The following RGS5 variants were observed in gnomAD, a reference collection of about 807,000 sequenced individuals.
RGS5 encodes regulator of G protein signaling 5.
A neutral mutation model predicts 18.9 loss-of-function variants in RGS5; 20 were observed. The observed-to-expected ratio is 1.06, with a 90% CI of 0.74 to 1.54. RGS5 has a LOEUF of 1.54. Among genes scored for constraint, RGS5 ranks in the 40% most tolerant of loss-of-function variants. The pLI is 0.00. For synonymous variants in RGS5, 57 were observed against 76.2 expected (o/e 0.75, Z 1.31); for missense variants, 201 against 211.8 (o/e 0.95, Z 0.32).
At chr1:163,279,131 CA>C (rs1434850294) in intron 2 of RGS5, among the ~76,000 whole-genome samples, 7 of 152,042 alleles carry the variant, frequency 4.6e-5, no homozygotes, top group Non-Finnish European at 1.5e-5. Context: ...AGAAGATCAA[CA>C]AAGAAACATT....
intron 2 of RGS5, among the ~76,000 whole-genome samples, chr1:163,287,932 G>A (rs925674447): frequency 6.6e-6 from 1 of 152,166 alleles, no homozygotes; most frequent in Non-Finnish European, 1.5e-5. Context: ...AATTTGCACT[G>A]CATTCCCTGA....
chr1:163,211,708 T>G (rs1660109424), intron 1 of RGS5: 1 of 152,152 alleles, frequency 6.6e-6, no homozygotes, highest in Non-Finnish European at 1.5e-5. Flanking sequence ...TGGAGTTGGG[T>G]TCAGGCTCCA....
At chr1:163,261,051 G>T (rs1230312613) in intron 2 of RGS5, among the ~76,000 whole-genome samples, 2 of 152,156 alleles carry the variant, frequency 1.3e-5, no homozygotes. Context: ...GTATAAATCT[G>T]AGGCCTCAAA....
At chr1:163,282,660 T>C (rs1168657515) in intron 2 of RGS5, among the ~76,000 whole-genome samples, 2 of 152,156 alleles carry the variant, frequency 1.3e-5, no homozygotes, top group African/African-American at 4.8e-5. Context: ...CAGTGAGTTA[T>C]GATGGTGCCA....
intron 2 of RGS5, among the ~76,000 whole-genome samples, chr1:163,165,750 T>C (rs1658013140): frequency 6.6e-6 from 1 of 151,496 alleles, no homozygotes; most frequent in Non-Finnish European, 1.5e-5. Flanking sequence ...TACTAAAAAA[T>C]ACAAAATTAG....
chr1:163,264,543 A>T (rs915687806), intron 2 of RGS5, among the ~76,000 whole-genome samples: 6 of 152,132 alleles, frequency 3.9e-5, no homozygotes, highest in South Asian at 2.1e-4. Context: ...TTCTGTCCCA[A>T]CTCCTGCCAA....
intron 1 of RGS5, among the ~76,000 whole-genome samples, chr1:163,178,831 CAGA>C (rs1658678367): frequency 6.6e-6 from 1 of 152,110 alleles, no homozygotes; most frequent in African/African-American, 2.4e-5. Context: ...GTTTCCATTA[CAGA>C]AGAAAAGTCA....
upstream of RGS5, among the ~76,000 whole-genome samples, chr1:163,207,187 G>A (rs1017938377): frequency 6.6e-6 from 1 of 152,206 alleles, no homozygotes; most frequent in African/African-American, 2.4e-5. Context: ...AACATAGGAA[G>A]TGTAAAGTCT....
chr1:163,213,779 GC>G (rs1019402926), intron 1 of RGS5, among the ~76,000 whole-genome samples: 1 of 152,046 alleles, frequency 6.6e-6, no homozygotes, highest in African/African-American at 2.4e-5. Context: ...TCAGGGGAAA[GC>G]CCCCCTGAAT....
In RGS5 at chr1:163,320,285, T is replaced by C. The variant is rs936095566; in HGVS notation, c.-378+1337A>G. On this transcript the variant is annotated intron_variant, in intron 1 of 5. Transcript: ENST00000618415. ...AAATAATAATAGTCAAAATAACAGC[T>C]AATACTTTTCAAGTACTCACAATTT... is the stretch of plus-strand genomic sequence containing the variant. 2.0e-5 allele frequency among the ~76,000 whole-genome samples: 3 copies of C among 152,220 alleles called. 1 individual carries two copies. Among genetic ancestry groups the C allele is most frequent in the Non-Finnish European group, 2.9e-5 (2 of 68,036 alleles).
chr1:163,254,747 C>T (rs1401727473), intron 2 of RGS5, among the ~76,000 whole-genome samples: 1 of 151,906 alleles, frequency 6.6e-6, no homozygotes, highest in African/African-American at 2.4e-5. Flanking sequence ...AATGGTAATG[C>T]CTAGGTTTTC....
intron 2 of RGS5, among the ~76,000 whole-genome samples, chr1:163,242,216 A>AT (rs1298036690): frequency 2.6e-5 from 4 of 152,226 alleles, no homozygotes; most frequent in African/African-American, 9.6e-5. Context: ...CAAACATGGC[A>AT]TATTTTTTAA....
chr1:163,199,917 T>C (rs1300422675), intron 1 of RGS5, among the ~76,000 whole-genome samples: 1 of 152,130 alleles, frequency 6.6e-6, no homozygotes, highest in Admixed American at 6.6e-5. Context: ...GGGATCTTCC[T>C]GCCTTAGCCT....
At chr1:163,254,024 C>A (rs1013341167) in intron 2 of RGS5, among the ~76,000 whole-genome samples, 9 of 150,742 alleles carry the variant, frequency 6.0e-5, no homozygotes, top group African/African-American at 2.0e-4. Context: ...TGTATATGTG[C>A]CACATTTTCT....
rs546946956 is a variant in RGS5, at chr1:163,285,228, C to CTTTG, written c.-281+21001_-281+21004dup. Among the ~76,000 whole-genome samples the CTTTG allele has an allele frequency of 3.7e-3, 556 of 152,266 alleles. 1 individual carries two copies. Among genetic ancestry groups the CTTTG allele is most frequent in the Admixed American group, 7.5e-3 (114 of 15,294 alleles). On this transcript the variant is annotated intron_variant, in intron 2 of 5. Transcript: ENST00000618415. The stretch of plus-strand genomic sequence containing the variant: ...GTAAATTATTCTGTATTAACTTTTC[C>CTTTG]TTTGACAAGTTCCCAAGGACAATCC...
At chr1:163,177,929 A>AC (rs1174884594) in intron 1 of RGS5, among the ~76,000 whole-genome samples, 1 of 152,076 alleles carries the variant, frequency 6.6e-6, no homozygotes, top group Non-Finnish European at 1.5e-5. Flanking sequence ...GTTTTCCAAA[A>AC]CCCCAAAATC....
chr1:163,318,287 A>C (rs1056093762), intron 1 of RGS5, among the ~76,000 whole-genome samples: 2 of 152,164 alleles, frequency 1.3e-5, no homozygotes, highest in Non-Finnish European at 2.9e-5. Context: ...CAGGCCATGG[A>C]GTTGGACTAT....
chr1:163,261,759 A>T (rs1648442847), intron 2 of RGS5, among the ~76,000 whole-genome samples: 1 of 152,224 alleles, frequency 6.6e-6, no homozygotes, highest in African/African-American at 2.4e-5. Context: ...AACACAGATA[A>T]CTGTTGGCTT....
chr1:163,160,549 A>T (rs1657759863), intron 3 of RGS5, among the ~76,000 whole-genome samples: 1 of 152,212 alleles, frequency 6.6e-6, no homozygotes, highest in Non-Finnish European at 1.5e-5. Context: ...ATCAGAAATG[A>T]ATAAGCTAGA....
Sources: gnomAD v4.1 joint callset for allele counts (sites outside exome capture counted in the v4.1 genomes callset) on GRCh38, gnomAD v4.1.1 for gene constraint, MANE v1.5 for transcripts, NCBI Gene and HGNC (gene_info 2026-07-23, HGNC 2026-07-21) for gene names.